LRBA: variants seen among roughly 807,000 people sequenced by gnomAD.
The protein encoded by LRBA is lipopolysaccharide-responsive and beige-like anchor protein.
LRBA carries 176 observed loss-of-function variants against 330.0 expected under a neutral mutation model. That is an observed-to-expected ratio of 0.53 (90% CI 0.47 to 0.60). The LOEUF is 0.60. Ranked by LOEUF, LRBA falls within the 20% of genes least tolerant of loss-of-function variation. The pLI, the probability that LRBA is intolerant of heterozygous loss-of-function variation, is 0.00. For missense variants in LRBA, 3,259 were observed against 3,444.8 expected, an observed-to-expected ratio of 0.95 and a Z score of 1.35; for synonymous variants, 1,230 against 1,193.0, an observed-to-expected ratio of 1.03 and a Z score of -0.64.
intron 2 of LRBA, among the ~76,000 whole-genome samples, chr4:150,991,479 A>T (rs1490922062): frequency 6.6e-6 from 1 of 152,256 alleles, no homozygotes; most frequent in Non-Finnish European, 1.5e-5. Context: ...AGCAAAAATT[A>T]AAAAAGAAAC....
At chr4:150,984,299 G>A (rs1232748578) in intron 2 of LRBA, among the ~76,000 whole-genome samples, 1 of 150,956 alleles carries the variant, frequency 6.6e-6, no homozygotes, top group Non-Finnish European at 1.5e-5. Context: ...GATCACCTGA[G>A]GTCAGGAGTT....
intron 40 of LRBA, among the ~76,000 whole-genome samples, chr4:150,497,455 C>T (rs1759725502): frequency 6.6e-6 from 1 of 152,082 alleles, no homozygotes; most frequent in Non-Finnish European, 1.5e-5. Context: ...CCCCAAACTT[C>T]AACAAACAAC....
At chr4:150,613,709 T>A (rs1050706336) in intron 37 of LRBA, among the ~76,000 whole-genome samples, 9 of 152,370 alleles carry the variant, frequency 5.9e-5, no homozygotes, top group Non-Finnish European at 1.2e-4. Flanking sequence ...AGACTTGATG[T>A]ACAGCGAATG....
At chr4:150,664,938 T>G (rs1781444078) in intron 37 of LRBA, among the ~76,000 whole-genome samples, 1 of 152,190 alleles carries the variant, frequency 6.6e-6, no homozygotes, top group South Asian at 2.1e-4. Flanking sequence ...TACAATTATG[T>G]CAGGACCCCT....
chr4:150,364,173 T>C (rs911227733), intron 47 of LRBA, among the ~76,000 whole-genome samples: 2 of 152,192 alleles, frequency 1.3e-5, no homozygotes, highest in Non-Finnish European at 2.9e-5. Context: ...AGTCAGTATG[T>C]TATGCAAAGA....
At chr4:150,680,758 T>C (rs1295032825) in intron 37 of LRBA, among the ~76,000 whole-genome samples, 1 of 152,160 alleles carries the variant, frequency 6.6e-6, no homozygotes, top group Non-Finnish European at 1.5e-5. Context: ...ATGTAGCACC[T>C]GACCTTCTCT....
At chr4:150,499,012 T>C (rs373750678) in intron 40 of LRBA, among the ~76,000 whole-genome samples, 11 of 152,254 alleles carry the variant, frequency 7.2e-5, no homozygotes, top group Non-Finnish European at 1.3e-4. Flanking sequence ...AGCATAAATA[T>C]GCATATAACT....
At chr4:150,572,635 T>G (rs1770010919) in intron 40 of LRBA, among the ~76,000 whole-genome samples, 1 of 152,100 alleles carries the variant, frequency 6.6e-6, no homozygotes, top group Non-Finnish European at 1.5e-5. Flanking sequence ...AATTACTGAC[T>G]CCATTGCTAG....
At chr4:150,626,207 T>C (rs1776847685) in intron 37 of LRBA, among the ~76,000 whole-genome samples, 1 of 152,200 alleles carries the variant, frequency 6.6e-6, no homozygotes, top group Non-Finnish European at 1.5e-5. Flanking sequence ...TGGCTTAACA[T>C]GATGCCCAGG....
intron 48 of LRBA, among the ~76,000 whole-genome samples, chr4:150,326,308 A>T (rs1733253577): frequency 6.6e-6 from 1 of 152,130 alleles, no homozygotes; most frequent in Non-Finnish European, 1.5e-5. Flanking sequence ...CATCCTGGGG[A>T]GTAAAAAGGA....
At chr4:150,957,763 A>C (rs1431936691) in intron 2 of LRBA, among the ~76,000 whole-genome samples, 1 of 148,988 alleles carries the variant, frequency 6.7e-6, no homozygotes, top group Non-Finnish European at 1.5e-5. Flanking sequence ...ACTCATTCCA[A>C]ATAGGAGAAA....
intron 36 of LRBA, among the ~76,000 whole-genome samples, chr4:150,712,806 T>C (rs1302578145): frequency 2.0e-5 from 3 of 152,114 alleles, no homozygotes; most frequent in Non-Finnish European, 2.9e-5. Flanking sequence ...CCCAAAGAGA[T>C]TCCTACTTAA....
In LRBA at chr4:150,685,176, GCT is replaced by G. The variant is rs1283006526; in HGVS notation, c.5755-1461_5755-1460del. Among the ~76,000 whole-genome samples, 4 of 151,060 alleles carry G rather than the reference GCT, an allele frequency of 2.6e-5. No individual in the cohort carries two copies. In the South Asian group the frequency reaches 6.3e-4, roughly 24 times the overall value. On this transcript the variant is annotated intron_variant, in intron 36 of 56. Coordinates refer to ENST00000651943, the MANE Select transcript of LRBA (RefSeq NM_001364905.1). The stretch of plus-strand genomic sequence containing the variant: ...ACTATGAAAATTGTAGAAAAACAGA[GCT>G]CACTCCAGAATCATGAACTTCCAGA...
intron 56 of LRBA, among the ~76,000 whole-genome samples, chr4:150,275,683 A>T (rs940156954): frequency 2.3e-4 from 35 of 152,206 alleles, no homozygotes; most frequent in African/African-American, 8.2e-4. Flanking sequence ...CACAATTGCT[A>T]CAAAGACAAT....
chr4:150,572,972 C>CT (rs1770051774), intron 40 of LRBA, among the ~76,000 whole-genome samples: 1 of 152,090 alleles, frequency 6.6e-6, no homozygotes, highest in South Asian at 2.1e-4. Context: ...ATGAAAGGGG[C>CT]TGTGACTGCC....
intron 36 of LRBA, among the ~76,000 whole-genome samples, chr4:150,704,808 T>C (rs939032531): frequency 7.9e-5 from 12 of 152,174 alleles, no homozygotes; most frequent in African/African-American, 2.2e-4. Context: ...TGAAAATTGT[T>C]AAATTCAGTC....
At chr4:150,979,254 G>A (rs1032758186) in intron 2 of LRBA, among the ~76,000 whole-genome samples, 23 of 151,924 alleles carry the variant, frequency 1.5e-4, no homozygotes, top group Non-Finnish European at 1.3e-4. Flanking sequence ...AGGTGCAGAC[G>A]GAAAAAAACT....
At chr4:150,452,592 A>G (rs1198292929) in intron 44 of LRBA, among the ~76,000 whole-genome samples, 2 of 151,034 alleles carry the variant, frequency 1.3e-5, no homozygotes, top group Non-Finnish European at 2.9e-5. Flanking sequence ...ACTGCACTCC[A>G]GCCTGTGCAA....
Position 150,421,286 on chromosome 4 carries a change from C to T in LRBA, c.7042-5696G>A, listed in dbSNP as rs945733271. Among the ~76,000 whole-genome samples, 5 of 139,248 alleles carry T rather than the reference C, an allele frequency of 3.6e-5. No individual in the cohort carries two copies. The East Asian group carries it at 8.3e-4, about 23-fold the overall frequency. The allele number at this position is 139,248 out of a possible 152,430, so 91.4% of individuals were successfully genotyped here. A position where few individuals can be genotyped will look rare whatever the true frequency, so the allele number is the denominator to read the frequency against. ...TTTATATATATAATATAAATATATA[C>T]TTATACATATATTATATATATAAAG... On this transcript the variant is annotated intron_variant, in intron 46 of 56. Transcript: ENST00000651943.
Sources: allele counts gnomAD v4.1 joint callset (sites outside exome capture counted in the v4.1 genomes callset), GRCh38; gene constraint gnomAD v4.1.1; transcripts MANE v1.5; gene names NCBI Gene and HGNC (gene_info 2026-07-23, HGNC 2026-07-21).